Variants in DCC observed in about 807,000 individuals in gnomAD.
DCC encodes netrin receptor DCC.
Under a neutral mutation model 172.5 loss-of-function variants are expected in DCC, and 58 were observed. The observed-to-expected ratio is 0.34, with a 90% CI of 0.27 to 0.42. The LOEUF is 0.42. Ranked by LOEUF, DCC falls within the 10% of genes least tolerant of loss-of-function variation. DCC has a pLI of 1.00. For synonymous variants in DCC, 709 were observed against 644.5 expected (o/e 1.10, Z -1.52); for missense variants, 1,740 against 1,791.0 (o/e 0.97, Z 0.51).
intron 5 of DCC, among the ~76,000 whole-genome samples, chr18:52,943,590 A>G (rs1009735855): frequency 6.6e-6 from 1 of 152,186 alleles, no homozygotes; most frequent in African/African-American, 2.4e-5. Context: ...CACAAGGACC[A>G]TATGTATTTA....
chr18:52,973,210 A>G (rs910900024), intron 5 of DCC, among the ~76,000 whole-genome samples: 1 of 152,220 alleles, frequency 6.6e-6, no homozygotes, highest in African/African-American at 2.4e-5. Flanking sequence ...AGATGGGGTT[A>G]TAGCAATGTA....
At chr18:53,495,595 T>C (rs2046012385) in intron 26 of DCC, among the ~76,000 whole-genome samples, 1 of 152,112 alleles carries the variant, frequency 6.6e-6, no homozygotes, top group African/African-American at 2.4e-5. Context: ...ATTTGACGAT[T>C]ATGTGCCTTG....
Position 52,610,169 on chromosome 18 carries a change from AAAAAAAAAAATATATATATATATATAT to A in DCC, c.92-141883_92-141857del, listed in dbSNP as rs2034232808. Reference sequence around the variant, plus strand: ...TCTCTCATAAAAAAAAAAAAAAAAAAAAAAAAAAAATATATATATATATATATATATATATATATATATATATATATA... The same window carrying A: ...TCTCTCATAAAAAAAAAAAAAAAAAAATATATATATATATATATATATATA... On this transcript the variant is annotated intron_variant, in intron 1 of 28. Transcript: ENST00000442544. 3.3e-4 allele frequency among the ~76,000 whole-genome samples: 9 copies of A among 27,242 alleles called. No individual in the cohort carries two copies. The East Asian group carries it at 3.6e-3, about 11-fold the overall frequency. 17.9% of individuals were successfully genotyped at this position (27,242 alleles called of 152,430 possible).
At chr18:53,307,939 A>G (rs868392917) in intron 13 of DCC, among the ~76,000 whole-genome samples, 3 of 114,242 alleles carry the variant, frequency 2.6e-5, no homozygotes, top group East Asian at 2.4e-4. Context: ...ATATATATAT[A>G]TATATATATA....
intron 1 of DCC, among the ~76,000 whole-genome samples, chr18:52,464,917 C>T (rs1003192340): frequency 1.3e-5 from 2 of 152,034 alleles, no homozygotes; most frequent in African/African-American, 4.8e-5. Context: ...GTTATCTCTC[C>T]TTCCTTAATC....
chr18:52,900,803 C>G (rs543373405), intron 2 of DCC, among the ~76,000 whole-genome samples: 1 of 152,248 alleles, frequency 6.6e-6, no homozygotes, highest in South Asian at 2.1e-4. Context: ...GCATCTTGGG[C>G]CAGTCTAGGT....
At chr18:52,411,421 C>A (rs1465098448) in intron 1 of DCC, among the ~76,000 whole-genome samples, 9 of 152,162 alleles carry the variant, frequency 5.9e-5, no homozygotes. Flanking sequence ...TATGCCGAAA[C>A]TGTCATTATC....
At chr18:53,221,442 G>A (rs10502965) in intron 12 of DCC, among the ~76,000 whole-genome samples, 3,771 of 152,242 alleles carry the variant, frequency 0.025, 68 homozygotes, top group East Asian at 0.11. Context: ...AACAGATTAA[G>A]TGTGGCTAGA....
At chr18:53,050,359 C>T (rs2042318429) in intron 5 of DCC, among the ~76,000 whole-genome samples, 1 of 152,066 alleles carries the variant, frequency 6.6e-6, no homozygotes, top group Non-Finnish European at 1.5e-5. Context: ...ACTTATCCAT[C>T]GTGGGCAATA....
rs1464939949 is a variant in DCC, at chr18:52,969,577, G to A, written c.985+44207G>A. Among the ~76,000 whole-genome samples the A allele has an allele frequency of 3.6e-4, 26 of 72,730 alleles. No homozygotes were observed. In the Admixed American group the frequency reaches 3.7e-3, roughly 10 times the overall value. 47.7% of individuals were successfully genotyped at this position (72,730 alleles called of 152,430 possible). A position where few individuals can be genotyped will look rare whatever the true frequency, so the allele number is the denominator to read the frequency against. ...CTAATGCAATTTCCTTATTTGCCCC[G>A]CCCCCCACTCTCTCTCTCTCTCTCT... On this transcript the variant is annotated intron_variant, in intron 5 of 28. Transcript: ENST00000442544.
chr18:53,183,621 T>C (rs2055232736), intron 9 of DCC, among the ~76,000 whole-genome samples: 1 of 152,046 alleles, frequency 6.6e-6, no homozygotes, highest in Admixed American at 6.6e-5. Flanking sequence ...ACAAAACTCT[T>C]TTAGATTTAA....
intron 17 of DCC, among the ~76,000 whole-genome samples, chr18:53,393,922 C>CTCTCTCTCTCTCTCTCT (rs72364865): frequency 2.5e-4 from 33 of 130,862 alleles, no homozygotes; most frequent in Non-Finnish European, 3.2e-4. Context: ...TCCCTCTCTC[C>CTCTCTCTCTCTCTCTCT]CTCCCTCCCT....
chr18:52,497,494 C>T (rs1367154271), intron 1 of DCC, among the ~76,000 whole-genome samples: 1 of 137,920 alleles, frequency 7.3e-6, no homozygotes, highest in Non-Finnish European at 1.6e-5. Flanking sequence ...ACTATGAATG[C>T]TAGTTTTGCT....
At chr18:53,383,887 A>G (rs984721071) in intron 15 of DCC, among the ~76,000 whole-genome samples, 48 of 152,230 alleles carry the variant, frequency 3.2e-4, no homozygotes, top group Non-Finnish European at 4.4e-4. Flanking sequence ...GCTTTATTCC[A>G]TATTACATTA....
At chr18:52,474,206 TAGAGAGAGAGAGAGAG>T (rs61277582) in intron 1 of DCC, among the ~76,000 whole-genome samples, 2 of 100,628 alleles carry the variant, frequency 2.0e-5, no homozygotes, top group African/African-American at 8.3e-5. Flanking sequence ...GTAACAGACC[TAGAGAGAGAGAGAGAG>T]AGAGAGAGAG....
chr18:52,493,176 T>C (rs2030589348), intron 1 of DCC, among the ~76,000 whole-genome samples: 1 of 152,038 alleles, frequency 6.6e-6, no homozygotes, highest in Non-Finnish European at 1.5e-5. Flanking sequence ...AAAGGATGTG[T>C]ACATTTTCCA....
chr18:52,420,685 T>A (rs1987217853), intron 1 of DCC, among the ~76,000 whole-genome samples: 1 of 151,876 alleles, frequency 6.6e-6, no homozygotes, highest in Non-Finnish European at 1.5e-5. Flanking sequence ...AAAGATAAAT[T>A]TGAGCTAAGA....
At chr18:52,728,888 A>G (rs1233255651) in intron 1 of DCC, among the ~76,000 whole-genome samples, 3 of 152,148 alleles carry the variant, frequency 2.0e-5, no homozygotes, top group Non-Finnish European at 4.4e-5. Flanking sequence ...ATTGGTCTCT[A>G]CACTCTCCAG....
intron 15 of DCC, among the ~76,000 whole-genome samples, chr18:53,366,460 A>G (rs375574654): frequency 1.3e-5 from 2 of 152,194 alleles, no homozygotes; most frequent in East Asian, 3.9e-4. Flanking sequence ...AAAGAATGGT[A>G]GGCACTAAGA....
Sources: allele counts gnomAD v4.1 joint callset (sites outside exome capture counted in the v4.1 genomes callset), GRCh38; gene constraint gnomAD v4.1.1; transcripts MANE v1.5; gene names NCBI Gene and HGNC (gene_info 2026-07-23, HGNC 2026-07-21).